FNTB: variants seen among roughly 807,000 people sequenced by gnomAD.
The protein encoded by FNTB is farnesyltransferase, CAAX box, subunit beta, also known as protein farnesyltransferase subunit beta.
In FNTB, 27 loss-of-function variants were observed where a neutral mutation model predicts 59.4. The ratio of observed to expected loss-of-function variants is 0.45; its 90% confidence interval spans 0.34 to 0.63. FNTB has a LOEUF of 0.63. Ranked by LOEUF, FNTB falls within the 20% of genes least tolerant of loss-of-function variation. The probability of loss-of-function intolerance (pLI) is 0.02; values close to 1 mark genes in which losing one functional copy is unlikely to be tolerated. For missense variants in FNTB, 449 were observed against 559.6 expected (o/e 0.80, Z 1.99); for synonymous variants, 230 against 220.7 (o/e 1.04, Z -0.37).
Position 65,012,046 on chromosome 14 carries a change from G to A in FNTB, c.210-271G>A, listed in dbSNP as rs1328924174. On this transcript the variant is annotated intron_variant, in intron 2 of 11. Coordinates refer to ENST00000246166, the MANE Select transcript of FNTB (RefSeq NM_002028.4). The surrounding 1 kb of genome is among the most constrained non-coding windows in gnomAD (Gnocchi z 5.0). The stretch of plus-strand genomic sequence containing the variant: ...TGCGTGTGCTCATTGCGGCTTTTCC[G>A]TTAGCCCAAAGTCACTGCCTTTAGG... 5.4e-6 allele frequency: 2 copies of A among 367,338 alleles called. No individual in the cohort carries two copies. Among genetic ancestry groups the A allele is most frequent in the Non-Finnish European group, 1.0e-5 (2 of 192,554 alleles). 22.8% of individuals were successfully genotyped at this position (367,338 alleles called of 1,614,324 possible).
chr14:65,021,430 CTTTTAAT>C (rs1283785810), intron 4 of FNTB, among the ~76,000 whole-genome samples: 1 of 152,066 alleles, frequency 6.6e-6, no homozygotes, highest in Non-Finnish European at 1.5e-5. Context: ...AATATTTTTC[CTTTTAAT>C]TTTTAAGTCT....
intron 4 of FNTB, among the ~76,000 whole-genome samples, chr14:65,025,811 C>T (rs1402320045): frequency 6.6e-6 from 1 of 152,102 alleles, no homozygotes. Flanking sequence ...GTAAGACCCT[C>T]TCTCAAAATC....
chr14:65,024,477 TTC>T (rs756587988), intron 4 of FNTB, among the ~76,000 whole-genome samples: 2 of 152,218 alleles, frequency 1.3e-5, no homozygotes, highest in Non-Finnish European at 2.9e-5. Flanking sequence ...GGTCTCTGTA[TTC>T]TTTTATTAGC....
chr14:65,020,997 T>G (rs1244031507), intron 4 of FNTB, among the ~76,000 whole-genome samples: 1 of 152,154 alleles, frequency 6.6e-6, no homozygotes, highest in East Asian at 1.9e-4. Flanking sequence ...CCCAAAGTGT[T>G]GGGATTACAG....
chr14:65,021,749 G>T (rs148588763), intron 4 of FNTB, among the ~76,000 whole-genome samples: 3 of 152,148 alleles, frequency 2.0e-5, no homozygotes, highest in African/African-American at 7.2e-5. Flanking sequence ...GGGTTCAAGC[G>T]ATTCTCGTGC....
intron 2 of FNTB, among the ~76,000 whole-genome samples, chr14:65,005,734 C>T (rs1379811994): frequency 6.6e-6 from 1 of 152,008 alleles, no homozygotes; most frequent in Non-Finnish European, 1.5e-5. Flanking sequence ...TGAATTCCTG[C>T]GAATCCTTTC....
rs76147832 is a variant in FNTB at position 65,051,077 on chromosome 14, C to A, written c.956-2161C>A. 3.2e-4 allele frequency among the ~76,000 whole-genome samples: 49 copies of A among 152,336 alleles called. No individual in the cohort carries two copies. In the East Asian group the frequency reaches 8.9e-3, roughly 28 times the overall value. On this transcript the variant is annotated intron_variant, in intron 9 of 11. Transcript: ENST00000246166. ...CAAGTGTATCAAAGCATGTGGCCTG[C>A]AGCCAGCCTGAGATGGGAGATTGGA...
intron 11 of FNTB, among the ~76,000 whole-genome samples, chr14:65,059,716 T>C (rs2062817415): frequency 6.6e-6 from 1 of 152,096 alleles, no homozygotes; most frequent in Non-Finnish European, 1.5e-5. Context: ...AAGTTTCTTT[T>C]GGGTTTCTGT....
In FNTB at chr14:65,044,727, T is replaced by A; in HGVS notation, c.955+284T>A. On this transcript the variant is annotated intron_variant, in intron 9 of 11. Coordinates refer to ENST00000246166, the MANE Select transcript of FNTB (RefSeq NM_002028.4). This position sits in a 1 kb window ranked among gnomAD's most constrained non-coding sequence, Gnocchi z 5.5. ...GGAGGAAGTGGGCGCTGCTTCTGCG[T>A]TATCTGGAAGGAGCAGCCCACTCCT... The A allele has an allele frequency of 4.6e-6, 2 of 438,300 alleles. No homozygotes were observed. The highest frequency in any genetic ancestry group is 7.9e-6 in the Non-Finnish European group (2 of 252,052). The allele number at this position is 438,300 out of a possible 1,614,324, so 27.2% of individuals were successfully genotyped here. A position where few individuals can be genotyped will look rare whatever the true frequency, so the allele number is the denominator to read the frequency against.
chr14:65,061,676 G>A lies in FNTB; in HGVS notation c.*364G>A. On this transcript the variant is annotated 3_prime_UTR_variant, in exon 12 of 12. Transcript: ENST00000246166. ...CCAGAGCCACTGCTGACTCCCACTT[G>A]CACGCCACCATTCAGTCACCAGACT... The A allele has an allele frequency of 3.0e-4, 61 of 200,502 alleles. No individual in the cohort carries two copies. Among genetic ancestry groups the A allele is most frequent in the South Asian group, 9.9e-4 (10 of 10,092 alleles). 12.4% of individuals were successfully genotyped at this position (200,502 alleles called of 1,614,324 possible). A position where few individuals can be genotyped will look rare whatever the true frequency, so the allele number is the denominator to read the frequency against.
At position 65,061,679 on chromosome 14, in the gene FNTB, C is replaced by G; in HGVS notation, c.*367C>G. 5.1e-6 allele frequency: 1 copy of G among 196,928 alleles called. No homozygotes were observed. Among genetic ancestry groups the G allele is most frequent in the Non-Finnish European group, 1.1e-5 (1 of 92,678 alleles). 12.2% of individuals were successfully genotyped at this position (196,928 alleles called of 1,614,324 possible). On this transcript the variant is annotated 3_prime_UTR_variant, in exon 12 of 12. Coordinates refer to ENST00000246166, the MANE Select transcript of FNTB (RefSeq NM_002028.4). ...GAGCCACTGCTGACTCCCACTTGCA[C>G]GCCACCATTCAGTCACCAGACTGGG...
Position 65,012,785 on chromosome 14 carries a change from A to G in FNTB, c.282+396A>G, listed in dbSNP as rs1462494355. Among the ~76,000 whole-genome samples, 1 of 152,216 alleles carries G rather than the reference A, an allele frequency of 6.6e-6. No homozygotes were observed. The highest frequency in any genetic ancestry group is 1.9e-4 in the East Asian group (1 of 5,200). On this transcript the variant is annotated intron_variant, in intron 3 of 11. Transcript: ENST00000246166. The surrounding 1 kb of genome is among the most constrained non-coding windows in gnomAD (Gnocchi z 5.0). ...TATTGTCCAAACCTGTTAAGTCTGTATCGTGATGGTTACAAATTTTCCAAC... is the reference window on the plus strand; with the variant it reads ...TATTGTCCAAACCTGTTAAGTCTGTGTCGTGATGGTTACAAATTTTCCAAC...
rs781552685 is a variant in FNTB, at chr14:65,054,782, G to T, written c.1182+93G>T. The T allele has an allele frequency of 7.3e-7, 1 of 1,365,824 alleles. No homozygotes were observed. Among genetic ancestry groups the T allele is most frequent in the East Asian group, 2.5e-5 (1 of 39,728 alleles). The allele number at this position is 1,365,824 out of a possible 1,614,324, so 84.6% of individuals were successfully genotyped here. On this transcript the variant is annotated intron_variant, in intron 11 of 11. Coordinates refer to ENST00000246166, the MANE Select transcript of FNTB (RefSeq NM_002028.4). The surrounding 1 kb of genome is among the most constrained non-coding windows in gnomAD (Gnocchi z 4.4). The stretch of plus-strand genomic sequence containing the variant: ...AAGCAGAACTGGCTCTGCATTTCCT[G>T]TGTGGACAGGCGGAAGCTTGTGGTC...
Position 65,054,733 on chromosome 14 carries a change from T to A in FNTB, c.1182+44T>A, listed in dbSNP as rs748202741. ...TTCACACCCCTTCTCCACAGGGACC[T>A]CGCGGACAGAAGGCTTTCCAAGTAA... On this transcript the variant is annotated intron_variant, in intron 11 of 11. Coordinates refer to ENST00000246166, the MANE Select transcript of FNTB (RefSeq NM_002028.4). This position sits in a 1 kb window ranked among gnomAD's most constrained non-coding sequence, Gnocchi z 4.4. 1.9e-6 allele frequency: 3 copies of A among 1,559,600 alleles called. No homozygotes were observed. The highest frequency in any genetic ancestry group is 2.6e-6 in the Non-Finnish European group (3 of 1,148,836).
chr14:65,035,701 TA>T (rs374521318), intron 7 of FNTB, among the ~76,000 whole-genome samples: 17 of 150,400 alleles, frequency 1.1e-4, no homozygotes, highest in East Asian at 3.9e-4. Flanking sequence ...AGCTAATGTT[TA>T]AAAAAAAAAT....
chr14:64,996,596 C>T (rs780062421), intron 1 of FNTB, among the ~76,000 whole-genome samples: 1 of 152,102 alleles, frequency 6.6e-6, no homozygotes, highest in African/African-American at 2.4e-5. Flanking sequence ...ACAGCTTCTG[C>T]GTATGTTGTG....
In FNTB at chr14:65,030,829, A is replaced by G. The variant is rs149595506; in HGVS notation, c.606-1781A>G. 8.0e-3 allele frequency among the ~76,000 whole-genome samples: 1,204 copies of G among 150,306 alleles called. 7 individuals carry two copies. The highest frequency in any genetic ancestry group is 0.012 in the Non-Finnish European group (839 of 67,654). On this transcript the variant is annotated intron_variant, in intron 6 of 11. Coordinates refer to ENST00000246166, the MANE Select transcript of FNTB (RefSeq NM_002028.4). This position sits in a 1 kb window ranked among gnomAD's most constrained non-coding sequence, Gnocchi z 4.5. Reference sequence around the variant, plus strand: ...TACTTTTTGTTTGTTTTGTTTTGAGATGGAGTTTCTTTCTGTTGCCCAGGC... The same window carrying G: ...TACTTTTTGTTTGTTTTGTTTTGAGGTGGAGTTTCTTTCTGTTGCCCAGGC...
At chr14:64,998,662 G>A (rs1288157714) in intron 1 of FNTB, among the ~76,000 whole-genome samples, 1 of 152,220 alleles carries the variant, frequency 6.6e-6, no homozygotes, top group African/African-American at 2.4e-5. Flanking sequence ...TTAAACACAA[G>A]TGACTCCATT....
chr14:65,055,866 A>G (rs2062724884), intron 11 of FNTB, among the ~76,000 whole-genome samples: 2 of 152,164 alleles, frequency 1.3e-5, no homozygotes, highest in South Asian at 2.1e-4. Context: ...AAGAAACACA[A>G]ATGGCCAATA....
Sources: gnomAD v4.1 joint callset for allele counts (sites outside exome capture counted in the v4.1 genomes callset) on GRCh38, gnomAD v4.1.1 for gene constraint, Gnocchi (gnomAD v3.1) non-coding constraint, MANE v1.5 for transcripts, NCBI Gene and HGNC (gene_info 2026-07-23, HGNC 2026-07-21) for gene names.